Variants in CNTLN observed in about 807,000 individuals in gnomAD.
The protein encoded by CNTLN is centlein.
A neutral mutation model predicts 180.0 loss-of-function variants in CNTLN; 212 were observed. That is an observed-to-expected ratio of 1.18 (90% CI 1.05 to 1.32). CNTLN has a LOEUF of 1.32. CNTLN is among the 40% of genes most tolerant of loss of function. The probability of loss-of-function intolerance (pLI) is 0.00; values close to 1 mark genes in which losing one functional copy is unlikely to be tolerated. For synonymous variants in CNTLN, 722 were observed against 563.1 expected (o/e 1.28, Z -3.99); for missense variants, 2,095 against 1,610.9 (o/e 1.30, Z -5.14).
intron 5 of CNTLN, 47 bp from the exon 6 acceptor site, chr9:17,273,686 G>A (rs1828099243): frequency 1.0e-6 from 1 of 962,940 alleles, no homozygotes; most frequent in African/African-American, 1.7e-5. Context: ...TTTGTTACAT[G>A]TAGTATTTAT....
At chr9:17,154,233 G>T (rs1819099038) in intron 2 of CNTLN, among the ~76,000 whole-genome samples, 1 of 152,132 alleles carries the variant, frequency 6.6e-6, no homozygotes, top group Non-Finnish European at 1.5e-5. Context: ...AAGAGGAGAG[G>T]TATTGTGGTT....
intron 3 of CNTLN, among the ~76,000 whole-genome samples, chr9:17,233,413 C>G (rs572214969): frequency 1.3e-5 from 2 of 152,030 alleles, no homozygotes; most frequent in South Asian, 4.1e-4. Context: ...ACTGTAGTTT[C>G]ATTGCTAAGA....
rs898918414 is a variant in CNTLN, at chr9:17,276,011, G to GA, written c.983+2150dup. 5.3e-4 allele frequency among the ~76,000 whole-genome samples: 80 copies of GA among 152,158 alleles called. No homozygotes were observed. The Middle Eastern group carries it at 0.01, about 19-fold the overall frequency. Reference sequence around the variant, plus strand: ...TGAAGGGAGTGAGGGTGCATGGGTGGAAAAATCTACCTGTTGGATACTATA... The same window carrying GA: ...TGAAGGGAGTGAGGGTGCATGGGTGGAAAAAATCTACCTGTTGGATACTATA... On this transcript the variant is annotated intron_variant, in intron 6 of 25. Coordinates refer to ENST00000380647, the MANE Select transcript of CNTLN (RefSeq NM_017738.4).
At chr9:17,332,569 C>T (rs755933370) in intron 9 of CNTLN, 36 bp from the exon 10 acceptor site, 30 of 1,568,418 alleles carry the variant, frequency 1.9e-5, no homozygotes, top group Non-Finnish European at 2.5e-5. Context: ...TCCAGTGTTC[C>T]AACTAGTTCA....
chr9:17,339,634 C>T (rs977868757), intron 10 of CNTLN, among the ~76,000 whole-genome samples: 3 of 152,124 alleles, frequency 2.0e-5, no homozygotes, highest in Non-Finnish European at 4.4e-5. Context: ...CTGTTGCCTC[C>T]ACCACATAAG....
chr9:17,343,959 C>G (rs926339600), intron 12 of CNTLN, among the ~76,000 whole-genome samples: 1 of 152,134 alleles, frequency 6.6e-6, no homozygotes, highest in Admixed American at 6.6e-5. Flanking sequence ...AGACTATCTT[C>G]TTTCACTTAG....
chr9:17,207,874 T>C (rs1563881441), intron 2 of CNTLN, among the ~76,000 whole-genome samples: 1 of 152,182 alleles, frequency 6.6e-6, no homozygotes, highest in East Asian at 1.9e-4. Context: ...GTGGAGTCTT[T>C]AGGTTTTTCC....
intron 3 of CNTLN, among the ~76,000 whole-genome samples, chr9:17,229,803 G>A (rs954651006): frequency 6.6e-5 from 10 of 152,032 alleles, no homozygotes; most frequent in African/African-American, 2.4e-4. Flanking sequence ...AAAACAGCTG[G>A]GGTAAATAGG....
intron 25 of CNTLN, among the ~76,000 whole-genome samples, chr9:17,494,053 C>T (rs1387203731): frequency 6.6e-6 from 1 of 152,178 alleles, no homozygotes; most frequent in Non-Finnish European, 1.5e-5. Flanking sequence ...TAAAATAATG[C>T]ATGCCAAAAT....
At chr9:17,381,480 G>A (rs958980252) in intron 13 of CNTLN, among the ~76,000 whole-genome samples, 2 of 152,136 alleles carry the variant, frequency 1.3e-5, no homozygotes, top group Admixed American at 1.3e-4. Flanking sequence ...GTTATGCCAG[G>A]TGGCAGTTTT....
Position 17,135,096 on chromosome 9 carries a change from C to A in CNTLN, c.31C>A (p.Pro11Thr). Residue 11 changes from proline to threonine, a missense_variant, in exon 1 of 26, where the codon CCT becomes ACT. Pro to Thr is a conservative substitution (Grantham distance 38). Coordinates refer to ENST00000380647, the MANE Select transcript of CNTLN (RefSeq NM_017738.4). MAARSPPSPH[P>T]SPPARQLGPR... ...GGCGCGTTCGCCTCCCTCACCGCACCCTTCGCCCCCAGCGCGACAGCTGGG... is the reference window on the plus strand; with the variant it reads ...GGCGCGTTCGCCTCCCTCACCGCACACTTCGCCCCCAGCGCGACAGCTGGG... 6.2e-7 allele frequency: 1 copy of A among 1,604,638 alleles called. No individual in the cohort carries two copies.
chr9:17,483,705 G>T (rs1202505598), intron 23 of CNTLN, among the ~76,000 whole-genome samples: 1 of 152,156 alleles, frequency 6.6e-6, no homozygotes, highest in African/African-American at 2.4e-5. Context: ...TTGTGAAGTA[G>T]TTCTTGATTT....
intron 3 of CNTLN, among the ~76,000 whole-genome samples, chr9:17,228,720 A>G (rs934455107): frequency 1.3e-5 from 2 of 152,092 alleles, no homozygotes; most frequent in Admixed American, 1.3e-4. Context: ...TTTCATAGTC[A>G]GGTCCACTGA....
At chr9:17,511,030 C>T in the CNTLN span, among the ~76,000 whole-genome samples, 2 of 152,174 alleles carry the variant, frequency 1.3e-5, no homozygotes, top group African/African-American at 4.8e-5. Context: ...GCATCTTCTC[C>T]AGGACTTGGT....
intron 18 of CNTLN, chr9:17,447,005 T>C (rs1201983606): frequency 6.6e-6 from 1 of 152,474 alleles, no homozygotes; most frequent in Non-Finnish European, 1.5e-5. Flanking sequence ...TTCATGTGTA[T>C]GTCTTTAAAA....
At chr9:17,276,123 T>C (rs1472801775) in intron 6 of CNTLN, among the ~76,000 whole-genome samples, 4 of 152,110 alleles carry the variant, frequency 2.6e-5, no homozygotes, top group South Asian at 4.1e-4. Context: ...ATACCCCCTG[T>C]ATCTAACATA....
chr9:17,137,913 A>T (rs182743062), intron 1 of CNTLN, among the ~76,000 whole-genome samples: 1 of 152,238 alleles, frequency 6.6e-6, no homozygotes, highest in Non-Finnish European at 1.5e-5. Flanking sequence ...ACTTTAAAAA[A>T]ATATGGCCCC....
intron 13 of CNTLN, among the ~76,000 whole-genome samples, chr9:17,387,125 C>T (rs1825740671): frequency 6.6e-6 from 1 of 152,218 alleles, no homozygotes; most frequent in Admixed American, 6.5e-5. Flanking sequence ...AAAAGAAATG[C>T]CTAATTCACT....
At chr9:17,135,688 C>T (rs981742506) in intron 1 of CNTLN, among the ~76,000 whole-genome samples, 1 of 152,166 alleles carries the variant, frequency 6.6e-6, no homozygotes, top group Non-Finnish European at 1.5e-5. Flanking sequence ...CACTTGGATA[C>T]TCGCAGTCGC....
Sources: allele counts gnomAD v4.1 joint callset (sites outside exome capture counted in the v4.1 genomes callset), GRCh38; gene constraint gnomAD v4.1.1; transcripts MANE v1.5; gene names NCBI Gene and HGNC (gene_info 2026-07-23, HGNC 2026-07-21).